Variants in KDM4C observed in about 807,000 individuals in gnomAD.
The protein encoded by KDM4C is lysine demethylase 4C, also known as lysine-specific demethylase 4C.
Under a neutral mutation model 129.3 loss-of-function variants are expected in KDM4C, and 81 were observed. That is an observed-to-expected ratio of 0.63 (90% confidence interval 0.52 to 0.75). The LOEUF (loss-of-function observed/expected upper bound fraction) is 0.75. Ranked by LOEUF, KDM4C falls within the 30% of genes least tolerant of loss-of-function variation. The pLI, the probability that KDM4C is intolerant of heterozygous loss-of-function variation, is 0.00. For synonymous variants in KDM4C, 573 were observed against 456.1 expected (o/e 1.26, Z -3.26); for missense variants, 1,457 against 1,304.0 (o/e 1.12, Z -1.81).
intron 1 of KDM4C, among the ~76,000 whole-genome samples, chr9:6,771,306 A>G (rs1340789342): frequency 6.6e-6 from 1 of 150,932 alleles, no homozygotes; most frequent in Non-Finnish European, 1.5e-5. Context: ...AAGTATTTCA[A>G]TTTTTTTAAT....
chr9:7,069,792 T>C (rs1489806116), intron 17 of KDM4C, among the ~76,000 whole-genome samples: 2 of 152,194 alleles, frequency 1.3e-5, no homozygotes, highest in East Asian at 3.9e-4. Context: ...ATAGTAGTAA[T>C]GTATTGTGGT....
intron 18 of KDM4C, among the ~76,000 whole-genome samples, chr9:7,107,546 T>G (rs983531645): frequency 6.6e-6 from 1 of 152,226 alleles, no homozygotes; most frequent in Non-Finnish European, 1.5e-5. Flanking sequence ...ATATTTAGTG[T>G]AGCAGCACCA....
intron 8 of KDM4C, among the ~76,000 whole-genome samples, chr9:6,908,956 A>G (rs1818805219): frequency 6.6e-6 from 1 of 152,140 alleles, no homozygotes; most frequent in Non-Finnish European, 1.5e-5. Context: ...AGGTATTGAT[A>G]TTTATTAACC....
At position 6,758,208 on chromosome 9, in the gene KDM4C, C is replaced by T; in HGVS notation, c.-18+5C>T. ...TCGCCCCAACCCGCGCGCCAGGTAACCGCTTTTCCGGAGTCTGGGGGCCAG... is the reference window on the plus strand; with the variant it reads ...TCGCCCCAACCCGCGCGCCAGGTAATCGCTTTTCCGGAGTCTGGGGGCCAG... On this transcript the variant is annotated splice_donor_5th_base_variant and intron_variant, in intron 1 of 21. Transcript: ENST00000381309. The surrounding 1 kb of genome is among the most constrained non-coding windows in gnomAD (Gnocchi z 4.6). 1 of 985,870 alleles carries T rather than the reference C, an allele frequency of 1.0e-6. No individual in the cohort carries two copies. Among genetic ancestry groups the T allele is most frequent in the Non-Finnish European group, 1.2e-6 (1 of 830,290 alleles). The allele number at this position is 985,870 out of a possible 1,614,324, so 61.1% of individuals were successfully genotyped here.
chr9:6,831,505 G>A (rs533052134), intron 4 of KDM4C, among the ~76,000 whole-genome samples: 5 of 152,270 alleles, frequency 3.3e-5, no homozygotes, highest in Admixed American at 2.6e-4. Context: ...ACCACGCCCA[G>A]CTAATTTTTG....
chr9:6,999,259 T>A (rs1206424842), intron 12 of KDM4C, among the ~76,000 whole-genome samples: 1 of 152,238 alleles, frequency 6.6e-6, no homozygotes, highest in African/African-American at 2.4e-5. Context: ...TAATTTTGTG[T>A]CTCTTATTTT....
intron 3 of KDM4C, among the ~76,000 whole-genome samples, chr9:6,812,153 C>T (rs895825993): frequency 2.0e-5 from 3 of 151,854 alleles, no homozygotes. Context: ...AGGAGAATCC[C>T]TTGAACCCAG....
intron 8 of KDM4C, among the ~76,000 whole-genome samples, chr9:6,931,160 CT>C (rs1823661429): frequency 6.6e-6 from 1 of 151,254 alleles, no homozygotes; most frequent in Admixed American, 6.6e-5. Flanking sequence ...CTTGAATTCC[CT>C]CAGTAACAAG....
chr9:6,752,037 A>C (rs1356036454), intron 1 of KDM4C, among the ~76,000 whole-genome samples: 1 of 151,974 alleles, frequency 6.6e-6, no homozygotes, highest in African/African-American at 2.4e-5. Context: ...TCCTGAGTTA[A>C]AAATTAAGGA....
intron 17 of KDM4C, among the ~76,000 whole-genome samples, chr9:7,083,400 A>T (rs942989169): frequency 4.6e-5 from 7 of 152,204 alleles, no homozygotes; most frequent in Admixed American, 2.0e-4. Context: ...AACAATGGGG[A>T]TGCATTCTGA....
chr9:6,903,222 G>T (rs148384013), intron 8 of KDM4C, among the ~76,000 whole-genome samples: 1,801 of 152,148 alleles, frequency 0.012, 52 homozygotes, highest in Admixed American at 0.058. Flanking sequence ...GCATATTCAG[G>T]GTTGTCCTTT....
chr9:6,883,802 A>C (rs1417292), intron 6 of KDM4C, among the ~76,000 whole-genome samples: 81,058 of 151,732 alleles, frequency 0.53, 21,832 homozygotes, highest in East Asian at 0.68. Context: ...AACTCTGACC[A>C]GTTTGATCCC....
At chr9:6,744,440 G>A (rs1033845168) in intron 1 of KDM4C, among the ~76,000 whole-genome samples, 6 of 152,170 alleles carry the variant, frequency 3.9e-5, no homozygotes, top group African/African-American at 1.4e-4. Flanking sequence ...CAGGAGAATT[G>A]CTTGAACCTG....
intron 8 of KDM4C, among the ~76,000 whole-genome samples, chr9:6,957,602 C>T (rs377349428): frequency 2.7e-3 from 417 of 152,136 alleles, no homozygotes; most frequent in African/African-American, 8.8e-3. Context: ...AGAGATCAAA[C>T]GTGGAGGCTG....
intron 9 of KDM4C, among the ~76,000 whole-genome samples, chr9:6,983,606 A>ACACACACACACACC (rs1817158973): frequency 8.4e-6 from 1 of 118,640 alleles, no homozygotes; most frequent in Non-Finnish European, 1.9e-5. Flanking sequence ...ACACACACAC[A>ACACACACACACACC]CACACACCAG....
In KDM4C at chr9:7,063,155, T is replaced by G. The variant is rs141843096; in HGVS notation, c.2424+13955T>G. ...AAAATAATGTATCATAACCATGAGATTTTGGTACCGTATGTAAGAGATAGT... is the reference window on the plus strand; with the variant it reads ...AAAATAATGTATCATAACCATGAGAGTTTGGTACCGTATGTAAGAGATAGT... On this transcript the variant is annotated intron_variant, in intron 17 of 21. Transcript: ENST00000381309. 2.3e-3 allele frequency among the ~76,000 whole-genome samples: 347 copies of G among 152,332 alleles called. 3 individuals are homozygous for G. Among genetic ancestry groups the G allele is most frequent in the East Asian group, 0.021 (110 of 5,190 alleles).
In KDM4C at chr9:7,103,708, G is replaced by A; in HGVS notation, c.2448G>A (p.Arg816=). The A allele has an allele frequency of 6.2e-7, 1 of 1,613,826 alleles. No individual in the cohort carries two copies. The highest frequency in any genetic ancestry group is 8.5e-7 in the Non-Finnish European group (1 of 1,179,846). ...LKLKCIFCRH[R]VKRVSGACIQ... ...AGAAATGCATCTTCTGCAGACACCG[G>A]GTTAAGAGGGTCTCTGGAGCCTGCA... The change falls in exon 18 of 22, where the codon CGG becomes CGA. Residue 816 remains arginine (R), a synonymous_variant. Transcript: ENST00000381309.
intron 15 of KDM4C, among the ~76,000 whole-genome samples, chr9:7,026,332 G>C (rs1825815690): frequency 6.6e-6 from 1 of 151,894 alleles, no homozygotes; most frequent in Non-Finnish European, 1.5e-5. Flanking sequence ...ACGTTCAGAG[G>C]ATATTTTCAC....
At chr9:6,807,842 T>TG (rs1830345093) in intron 3 of KDM4C, among the ~76,000 whole-genome samples, 2 of 104,670 alleles carry the variant, frequency 1.9e-5, no homozygotes, top group South Asian at 3.2e-4. Flanking sequence ...GGGAGGGAGG[T>TG]TGGGGGTCAG....
Sources: gnomAD v4.1 joint callset for allele counts (sites outside exome capture counted in the v4.1 genomes callset) on GRCh38, gnomAD v4.1.1 for gene constraint, Gnocchi (gnomAD v3.1) non-coding constraint, MANE v1.5 for transcripts, NCBI Gene and HGNC (gene_info 2026-07-23, HGNC 2026-07-21) for gene names.